Variants in RTN1 observed in about 807,000 individuals in gnomAD.
RTN1 encodes reticulon-1.
RTN1 carries 25 observed loss-of-function variants against 65.5 expected under a neutral mutation model. The ratio of observed to expected loss-of-function variants is 0.38; its 90% confidence interval spans 0.28 to 0.53. The LOEUF is 0.53. RTN1 is among the 20% of genes least tolerant of loss of function. RTN1 has a pLI of 0.79. For synonymous variants in RTN1, 471 were observed against 447.6 expected (o/e 1.05, Z -0.66); for missense variants, 983 against 1,025.4 (o/e 0.96, Z 0.57).
intron 3 of RTN1, among the ~76,000 whole-genome samples, chr14:59,636,928 G>A (rs1882678207): frequency 6.6e-6 from 1 of 152,174 alleles, no homozygotes; most frequent in African/African-American, 2.4e-5. Context: ...GGAGGGTCTT[G>A]CCTCGATGTT....
At chr14:59,750,840 A>G (rs1885504099) in intron 1 of RTN1, among the ~76,000 whole-genome samples, 1 of 144,672 alleles carries the variant, frequency 6.9e-6, no homozygotes, top group South Asian at 2.2e-4. Flanking sequence ...CACCCTCCCA[A>G]GTAACCGGGA....
chr14:59,613,549 C>T (rs1032472351), intron 3 of RTN1, among the ~76,000 whole-genome samples: 7 of 152,274 alleles, frequency 4.6e-5, no homozygotes, highest in Non-Finnish European at 8.8e-5. Flanking sequence ...CCACCTGCCT[C>T]GGCCTCCCAA....
chr14:59,613,250 A>T (rs1290706873), intron 3 of RTN1, among the ~76,000 whole-genome samples: 1 of 152,172 alleles, frequency 6.6e-6, no homozygotes, highest in Non-Finnish European at 1.5e-5. Context: ...AAAGAGCACT[A>T]TGGTTAAAAG....
intron 3 of RTN1, chr14:59,630,378 A>G: frequency 6.2e-7 from 1 of 1,603,144 alleles, no homozygotes; most frequent in African/African-American, 1.3e-5. Context: ...AATGATGCAC[A>G]ATGGACGAGT....
intron 1 of RTN1, among the ~76,000 whole-genome samples, chr14:59,807,697 A>G (rs1039856363): frequency 1.3e-5 from 2 of 152,196 alleles, no homozygotes; most frequent in Non-Finnish European, 2.9e-5. Context: ...TGGAGTTTAC[A>G]AGGGATATAA....
Position 59,746,380 on chromosome 14 carries a change from G to T in RTN1, c.343C>A (p.Pro115Thr). Reference sequence around the variant, plus strand: ...AAATATGTAGAATCCTCCTGAGGTGGATAGCAGATGTCAGAAATGAGAGAT... The same window carrying T: ...AAATATGTAGAATCCTCCTGAGGTGTATAGCAGATGTCAGAAATGAGAGAT... The part of the protein sequence containing the change: ...YTSLISDICY[P>T]PQEDSTYFTG... Residue 115 changes from proline (P) to threonine (T), a missense_variant, in exon 2 of 9, where the codon CCA (proline) becomes ACA (threonine). By Grantham distance (38) the Pro-to-Thr change is conservative (BLOSUM62 -1). Coordinates refer to ENST00000267484, the MANE Select transcript of RTN1 (RefSeq NM_021136.3). The T allele has an allele frequency of 2.5e-6, 4 of 1,614,062 alleles. No individual in the cohort carries two copies. Among genetic ancestry groups the T allele is most frequent in the Non-Finnish European group, 3.4e-6 (4 of 1,179,966 alleles).
chr14:59,792,455 A>T (rs1040865694), intron 1 of RTN1, among the ~76,000 whole-genome samples: 1 of 151,914 alleles, frequency 6.6e-6, no homozygotes, highest in Non-Finnish European at 1.5e-5. Context: ...TGCATAAGTA[A>T]ATGGGAAAGC....
chr14:59,631,115 C>T (rs1321630912), intron 3 of RTN1, among the ~76,000 whole-genome samples: 1 of 152,158 alleles, frequency 6.6e-6, no homozygotes, highest in East Asian at 1.9e-4. Flanking sequence ...TTTTAATTGC[C>T]CAGAATCTTC....
At chr14:59,719,255 C>T (rs1884599704) in intron 3 of RTN1, among the ~76,000 whole-genome samples, 1 of 152,244 alleles carries the variant, frequency 6.6e-6, no homozygotes, top group Admixed American at 6.5e-5. Flanking sequence ...ATTCTAGCAA[C>T]ATCAACTTGT....
chr14:59,813,374 G>A (rs563769996), intron 1 of RTN1, among the ~76,000 whole-genome samples: 1 of 152,198 alleles, frequency 6.6e-6, no homozygotes, highest in South Asian at 2.1e-4. Flanking sequence ...TTAGTTTGTG[G>A]GGAAAGTCAT....
chr14:59,749,242 A>T (rs1396368819), intron 1 of RTN1, among the ~76,000 whole-genome samples: 1 of 56,906 alleles, frequency 1.8e-5, no homozygotes, highest in Non-Finnish European at 3.1e-5. Flanking sequence ...ATATATCTAT[A>T]TATATCTATA....
chr14:59,677,373 G>T lies in RTN1; in HGVS notation c.1765+49546C>A, dbSNP rs566964389. On this transcript the variant is annotated intron_variant, in intron 3 of 8. Coordinates refer to ENST00000267484, the MANE Select transcript of RTN1 (RefSeq NM_021136.3). ...TTTCCAGGGATGCTGGTACCCCACT[G>T]CTGTGGTCAATGAGGAAATCATGGT... 8.5e-5 allele frequency among the ~76,000 whole-genome samples: 13 copies of T among 152,296 alleles called. No individual in the cohort carries two copies. In the South Asian group the frequency reaches 2.7e-3, roughly 32 times the overall value.
In RTN1 at chr14:59,766,239, AT is replaced by A. The variant is rs1232945196; in HGVS notation, c.242-19759del. ...AGTGAGACGCTGTCAAAAAAAAAAA[AT>A]TCATTAACAATTACCTAGAATTTAA... is the stretch of plus-strand genomic sequence containing the variant. On this transcript the variant is annotated intron_variant, in intron 1 of 8. Transcript: ENST00000267484. This position sits in a 1 kb window ranked among gnomAD's most constrained non-coding sequence, Gnocchi z 4.4. Among the ~76,000 whole-genome samples, 1 of 150,560 alleles carries A rather than the reference AT, an allele frequency of 6.6e-6. No homozygotes were observed. The highest frequency in any genetic ancestry group is 1.5e-5 in the Non-Finnish European group (1 of 67,714).
chr14:59,829,638 C>T lies in RTN1; in HGVS notation c.241+40752G>A, dbSNP rs1006645999. ...ACATTTCATTTCCTGCTCATGCTCC[C>T]TGTCCAGGCAGGTTGGCTTGGGGAC... On this transcript the variant is annotated intron_variant, in intron 1 of 8. Transcript: ENST00000267484. The surrounding 1 kb of genome is among the most constrained non-coding windows in gnomAD (Gnocchi z 4.3). Among the ~76,000 whole-genome samples, 2 of 152,224 alleles carry T rather than the reference C, an allele frequency of 1.3e-5. No individual in the cohort carries two copies. Among genetic ancestry groups the T allele is most frequent in the Non-Finnish European group, 2.9e-5 (2 of 68,040 alleles).
chr14:59,719,045 C>A (rs1884595919), intron 3 of RTN1, among the ~76,000 whole-genome samples: 1 of 152,180 alleles, frequency 6.6e-6, no homozygotes, highest in South Asian at 2.1e-4. Context: ...GCTTGTCCTC[C>A]TTCAACTCTT....
intron 1 of RTN1, among the ~76,000 whole-genome samples, chr14:59,797,833 A>G (rs1264372404): frequency 1.3e-5 from 2 of 152,186 alleles, no homozygotes; most frequent in African/African-American, 4.8e-5. Flanking sequence ...ATAGTGTTTG[A>G]AAGGCTAAAA....
intron 3 of RTN1, among the ~76,000 whole-genome samples, chr14:59,640,844 A>G (rs1045101089): frequency 6.6e-6 from 1 of 151,962 alleles, no homozygotes; most frequent in African/African-American, 2.4e-5. Context: ...TCTATTGTAT[A>G]TCTGCTTTCT....
At position 59,686,310 on chromosome 14, in the gene RTN1, C is replaced by CA. The variant is rs529569636; in HGVS notation, c.1765+40608dup. 1.5e-4 allele frequency among the ~76,000 whole-genome samples: 23 copies of CA among 151,648 alleles called. No homozygotes were observed. In the East Asian group the frequency reaches 3.9e-3, roughly 26 times the overall value. Reference sequence around the variant, plus strand: ...AAAGCACAGGCAACACAAACAAAAACAAAAAAATGAAATGATATCGAATTT... The same window carrying CA: ...AAAGCACAGGCAACACAAACAAAAACAAAAAAAATGAAATGATATCGAATTT... On this transcript the variant is annotated intron_variant, in intron 3 of 8. Transcript: ENST00000267484.
intron 1 of RTN1, among the ~76,000 whole-genome samples, chr14:59,758,238 G>C (rs537620175): frequency 6.6e-6 from 1 of 152,150 alleles, no homozygotes; most frequent in Admixed American, 6.5e-5. Context: ...GTGTTCTCCA[G>C]CTTCCAGCCT....
Sources: gnomAD v4.1 joint callset for allele counts (sites outside exome capture counted in the v4.1 genomes callset) on GRCh38, gnomAD v4.1.1 for gene constraint, Gnocchi (gnomAD v3.1) non-coding constraint, MANE v1.5 for transcripts, NCBI Gene and HGNC (gene_info 2026-07-23, HGNC 2026-07-21) for gene names.